UVRAG: variants seen among roughly 807,000 people sequenced by gnomAD.
The protein encoded by UVRAG is UV radiation resistance associated, also known as UV radiation resistance-associated gene protein.
Under a neutral mutation model 78.0 loss-of-function variants are expected in UVRAG, and 19 were observed. The ratio of observed to expected loss-of-function variants is 0.24; its 90% CI spans 0.17 to 0.36. The LOEUF (loss-of-function observed/expected upper bound fraction) is 0.36. UVRAG is among the 10% of genes least tolerant of loss of function. The pLI, the probability that UVRAG is intolerant of heterozygous loss-of-function variation, is 1.00. For missense variants in UVRAG, 740 were observed against 853.8 expected (o/e 0.87, Z 1.66); for synonymous variants, 323 against 324.6 (o/e 1.00, Z 0.05).
chr11:75,936,510 C>T (rs561386877), intron 6 of UVRAG, among the ~76,000 whole-genome samples: 12 of 152,118 alleles, frequency 7.9e-5, no homozygotes, highest in African/African-American at 1.7e-4. Context: ...CTGTTTTATC[C>T]GGTGAATTAT....
intron 12 of UVRAG, among the ~76,000 whole-genome samples, chr11:76,057,382 G>A (rs1565141036): frequency 6.6e-6 from 1 of 152,116 alleles, no homozygotes; most frequent in Non-Finnish European, 1.5e-5. Context: ...ATGGGGGAAG[G>A]TTAAATGGCC....
intron 13 of UVRAG, among the ~76,000 whole-genome samples, chr11:76,068,109 A>G (rs978232594): frequency 6.6e-6 from 1 of 152,192 alleles, no homozygotes; most frequent in African/African-American, 2.4e-5. Flanking sequence ...ACATGCACAA[A>G]CACACTTCTT....
At chr11:75,904,261 G>A (rs2134999179) in intron 5 of UVRAG, among the ~76,000 whole-genome samples, 1 of 152,240 alleles carries the variant, frequency 6.6e-6, no homozygotes, top group South Asian at 2.1e-4. Context: ...CAGTTTAATA[G>A]GCACTCACCC....
At chr11:75,842,669 T>C (rs2135844026) in intron 1 of UVRAG, among the ~76,000 whole-genome samples, 1 of 152,294 alleles carries the variant, frequency 6.6e-6, no homozygotes, top group African/African-American at 2.4e-5. Flanking sequence ...CTTGAACTCC[T>C]GACCTTGTGA....
chr11:75,894,816 A>AG lies in UVRAG; in HGVS notation c.507+5913_507+5914insG, dbSNP rs1299211548. Among the ~76,000 whole-genome samples the AG allele has an allele frequency of 2.0e-5, 3 of 151,820 alleles. No homozygotes were observed. The East Asian group carries it at 5.8e-4, about 29-fold the overall frequency. On this transcript the variant is annotated intron_variant, in intron 5 of 14. Transcript: ENST00000356136. ...CCCGTCTCTACCAAAAAAAAAAAAA[A>AG]AAAAAAGATGGAAAGCAGAGATTAT...
chr11:75,914,413 C>T (rs1947806458), intron 6 of UVRAG: 1 of 152,136 alleles, frequency 6.6e-6, no homozygotes. Flanking sequence ...TGTGTGAAAA[C>T]ACACAGTCTA....
At chr11:76,042,837 T>G (rs748255092) in intron 12 of UVRAG, among the ~76,000 whole-genome samples, 15 of 152,192 alleles carry the variant, frequency 9.9e-5, no homozygotes, top group Non-Finnish European at 2.2e-4. Context: ...AGTCTGCCAT[T>G]TTCTACTAGA....
chr11:75,928,785 A>T (rs905386956), intron 6 of UVRAG, among the ~76,000 whole-genome samples: 1 of 122,616 alleles, frequency 8.2e-6, no homozygotes, highest in Non-Finnish European at 1.6e-5. Flanking sequence ...TAAAAATACA[A>T]AAAAAAATTT....
intron 14 of UVRAG, among the ~76,000 whole-genome samples, chr11:76,132,156 A>G (rs974609744): frequency 3.3e-5 from 5 of 152,182 alleles, no homozygotes; most frequent in Non-Finnish European, 5.9e-5. Context: ...TTGACATGAT[A>G]TTGGCGCAGA....
chr11:75,932,584 C>T (rs1948266947), intron 6 of UVRAG, among the ~76,000 whole-genome samples: 1 of 151,978 alleles, frequency 6.6e-6, no homozygotes, highest in Non-Finnish European at 1.5e-5. Flanking sequence ...GTGCCTGGCC[C>T]AGATGATATG....
chr11:76,079,017 C>G (rs1207867484), intron 13 of UVRAG, among the ~76,000 whole-genome samples: 2 of 152,152 alleles, frequency 1.3e-5, no homozygotes, highest in Non-Finnish European at 2.9e-5. Context: ...GTGTCTCAGA[C>G]TTCTCATCTA....
At chr11:75,853,082 G>T (rs1946192972) in intron 2 of UVRAG, among the ~76,000 whole-genome samples, 1 of 151,732 alleles carries the variant, frequency 6.6e-6, no homozygotes, top group African/African-American at 2.4e-5. Context: ...GGCTAACTTT[G>T]AAAAAATTTT....
At chr11:75,865,850 G>A (rs546059695) in intron 3 of UVRAG, among the ~76,000 whole-genome samples, 6 of 152,200 alleles carry the variant, frequency 3.9e-5, no homozygotes, top group South Asian at 4.2e-4. Context: ...CCTGATCTCC[G>A]GTGATCTGCC....
chr11:75,824,092 C>T (rs552228248), intron 1 of UVRAG, among the ~76,000 whole-genome samples: 15 of 152,226 alleles, frequency 9.9e-5, no homozygotes, highest in Middle Eastern at 3.4e-3. Flanking sequence ...TTGGCAAGGC[C>T]GTTCATCTTA....
chr11:75,821,395 G>T (rs981422634), intron 1 of UVRAG, among the ~76,000 whole-genome samples: 1 of 152,166 alleles, frequency 6.6e-6, no homozygotes, highest in Non-Finnish European at 1.5e-5. Flanking sequence ...AGGCTAAAGT[G>T]CAGTGGCATG....
At chr11:76,104,416 C>T (rs1386821394) in intron 13 of UVRAG, among the ~76,000 whole-genome samples, 1 of 152,168 alleles carries the variant, frequency 6.6e-6, no homozygotes, top group African/African-American at 2.4e-5. Context: ...GTCTCTACCT[C>T]ACGGTTTCTT....
chr11:75,964,410 A>G (rs528053603), intron 7 of UVRAG, among the ~76,000 whole-genome samples: 64 of 152,248 alleles, frequency 4.2e-4, no homozygotes, highest in African/African-American at 1.2e-3. Context: ...TGGAAATTCA[A>G]TTTCTTTAAT....
chr11:76,006,270 C>G (rs1477761528), intron 9 of UVRAG, among the ~76,000 whole-genome samples: 1 of 152,094 alleles, frequency 6.6e-6, no homozygotes, highest in South Asian at 2.1e-4. Context: ...ACAGTTTCTC[C>G]TAAATTCCTT....
chr11:75,971,893 G>A (rs1263961316), intron 7 of UVRAG, among the ~76,000 whole-genome samples: 4 of 152,144 alleles, frequency 2.6e-5, no homozygotes, highest in Non-Finnish European at 5.9e-5. Flanking sequence ...GTTTTGCCAT[G>A]TTGGCCAGGC....
Sources: allele counts gnomAD v4.1 joint callset (sites outside exome capture counted in the v4.1 genomes callset), GRCh38; gene constraint gnomAD v4.1.1; transcripts MANE v1.5; gene names NCBI Gene and HGNC (gene_info 2026-07-23, HGNC 2026-07-21).